The following KLHL32 variants were observed in gnomAD, a reference collection of about 807,000 sequenced individuals.
KLHL32 encodes kelch-like protein 32.
KLHL32 carries 35 observed loss-of-function variants against 64.8 expected under a neutral mutation model. The observed-to-expected ratio is 0.54, with a 90% CI of 0.41 to 0.72. The LOEUF is 0.72. Among genes scored for constraint, KLHL32 ranks in the 30% least tolerant of loss-of-function variants. KLHL32 has a pLI of 0.00. For synonymous variants in KLHL32, 259 were observed against 281.0 expected (o/e 0.92, Z 0.78); for missense variants, 589 against 768.5 (o/e 0.77, Z 2.76).
intron 6 of KLHL32, among the ~76,000 whole-genome samples, chr6:97,103,430 G>C (rs772689136): frequency 1.3e-5 from 2 of 152,196 alleles, no homozygotes; most frequent in South Asian, 2.1e-4. Context: ...AGCCAGGATG[G>C]TCTCGATCTC....
At chr6:96,962,143 T>C (rs575094025) in intron 1 of KLHL32, among the ~76,000 whole-genome samples, 1 of 152,324 alleles carries the variant, frequency 6.6e-6, no homozygotes, top group South Asian at 2.1e-4. Context: ...ACTATTATGG[T>C]TTAATAAGAT....
the KLHL32 span, among the ~76,000 whole-genome samples, chr6:96,898,919 A>C: frequency 6.6e-6 from 1 of 152,230 alleles, no homozygotes; most frequent in Non-Finnish European, 1.5e-5. Flanking sequence ...ATCTCTGCTT[A>C]GCAAAATGAA....
chr6:97,033,622 G>A (rs1454855998), intron 3 of KLHL32, among the ~76,000 whole-genome samples: 1 of 151,978 alleles, frequency 6.6e-6, no homozygotes, highest in Non-Finnish European at 1.5e-5. Flanking sequence ...CATAATGGCT[G>A]TACCAATTTA....
chr6:97,058,512 TA>T (rs1788369775), intron 4 of KLHL32, among the ~76,000 whole-genome samples: 2 of 152,236 alleles, frequency 1.3e-5, no homozygotes, highest in African/African-American at 4.8e-5. Context: ...CTTTTTTCTT[TA>T]TATAGAACTC....
intron 3 of KLHL32, among the ~76,000 whole-genome samples, chr6:97,012,365 G>A (rs1218349580): frequency 2.0e-5 from 3 of 152,184 alleles, no homozygotes; most frequent in Non-Finnish European, 2.9e-5. Context: ...GCAGAGGTTG[G>A]AGTGATGTGA....
At chr6:97,134,698 A>C (rs143769796) in intron 10 of KLHL32, among the ~76,000 whole-genome samples, 258 of 152,334 alleles carry the variant, frequency 1.7e-3, no homozygotes, top group African/African-American at 6.0e-3. Flanking sequence ...TAGCTCAAGG[A>C]ATAGAAAATT....
At chr6:97,036,233 A>C (rs1288526041) in intron 3 of KLHL32, among the ~76,000 whole-genome samples, 1 of 152,152 alleles carries the variant, frequency 6.6e-6, no homozygotes, top group Non-Finnish European at 1.5e-5. Flanking sequence ...TATGTATTAC[A>C]TAAAATTTAC....
At chr6:97,033,512 T>A (rs1783872370) in intron 3 of KLHL32, among the ~76,000 whole-genome samples, 1 of 152,164 alleles carries the variant, frequency 6.6e-6, no homozygotes, top group South Asian at 2.1e-4. Context: ...CACTTTAAGA[T>A]ACTAATTTCA....
At chr6:96,943,353 A>G (rs1463822551) in intron 1 of KLHL32, among the ~76,000 whole-genome samples, 1 of 151,838 alleles carries the variant, frequency 6.6e-6, no homozygotes, top group East Asian at 1.9e-4. Context: ...CTGTGCGGTA[A>G]TATGATATTT....
At chr6:97,076,404 C>T (rs1444103606) in intron 5 of KLHL32, among the ~76,000 whole-genome samples, 1 of 152,164 alleles carries the variant, frequency 6.6e-6, no homozygotes, top group African/African-American at 2.4e-5. Flanking sequence ...TTTATCTGCA[C>T]TTTTGAGAAT....
At chr6:97,100,906 G>A (rs2128195997) in intron 6 of KLHL32, among the ~76,000 whole-genome samples, 1 of 139,032 alleles carries the variant, frequency 7.2e-6, no homozygotes, top group South Asian at 2.4e-4. Flanking sequence ...AGGCCTAGGT[G>A]ATCCCTCCAC....
chr6:97,045,074 T>G (rs549583747), intron 4 of KLHL32, among the ~76,000 whole-genome samples: 12 of 152,292 alleles, frequency 7.9e-5, no homozygotes, highest in Admixed American at 3.9e-4. Context: ...TTAGTAGAAT[T>G]TAAGATATGT....
At chr6:96,978,816 T>C (rs531467375) in intron 3 of KLHL32, among the ~76,000 whole-genome samples, 9 of 152,262 alleles carry the variant, frequency 5.9e-5, no homozygotes, top group Admixed American at 5.2e-4. Flanking sequence ...GCTATTTTTT[T>C]ACTTTTTAAT....
intron 6 of KLHL32, 94 bp downstream of exon 6, chr6:97,085,435 G>GTA: frequency 9.4e-7 from 1 of 1,062,584 alleles, no homozygotes; most frequent in Non-Finnish European, 1.4e-6. Context: ...TATTTTAGTG[G>GTA]CTTTGGTCCT....
intron 3 of KLHL32, among the ~76,000 whole-genome samples, chr6:96,984,667 C>G (rs1169205348): frequency 3.3e-5 from 5 of 152,268 alleles, no homozygotes; most frequent in African/African-American, 1.2e-4. Flanking sequence ...GGTTTAAAGT[C>G]TGTTTTATCA....
At chr6:97,057,055 G>T (rs913191695) in intron 4 of KLHL32, among the ~76,000 whole-genome samples, 1 of 151,774 alleles carries the variant, frequency 6.6e-6, no homozygotes, top group Non-Finnish European at 1.5e-5. Flanking sequence ...CATCTTTTGG[G>T]TTTGGGGGAC....
At chr6:97,004,533 G>A (rs1779425439) in intron 3 of KLHL32, among the ~76,000 whole-genome samples, 1 of 152,142 alleles carries the variant, frequency 6.6e-6, no homozygotes, top group African/African-American at 2.4e-5. Flanking sequence ...AGTGGTGAGA[G>A]TGGGCATTCT....
intron 2 of KLHL32, among the ~76,000 whole-genome samples, chr6:96,973,707 T>C (rs13219671): frequency 1.4e-5 from 2 of 146,574 alleles, no homozygotes; most frequent in African/African-American, 5.0e-5. Flanking sequence ...TAAGCATAGA[T>C]TTTTGAGATC....
chr6:97,135,122 C>T lies in KLHL32; in HGVS notation c.1701+2375C>T, dbSNP rs1582290280. ...ACCTGTATTAGTGGAATAAGTTTCA[C>T]CTCTGAGATTGTACAATAATATATT... On this transcript the variant is annotated intron_variant, in intron 10 of 10. Coordinates refer to ENST00000369261, the MANE Select transcript of KLHL32 (RefSeq NM_052904.4). 3.9e-5 allele frequency among the ~76,000 whole-genome samples: 6 copies of T among 151,968 alleles called. 1 individual carries two copies. The South Asian group carries it at 1.2e-3, about 32-fold the overall frequency.
Sources: allele counts gnomAD v4.1 joint callset (sites outside exome capture counted in the v4.1 genomes callset), GRCh38; gene constraint gnomAD v4.1.1; transcripts MANE v1.5; gene names NCBI Gene and HGNC (gene_info 2026-07-23, HGNC 2026-07-21).